APBB2: variants seen among roughly 807,000 people sequenced by gnomAD.
APBB2 encodes the protein Fe65-like 1.
In APBB2, 38 loss-of-function variants were observed where a neutral mutation model predicts 82.5. The ratio of observed to expected loss-of-function variants is 0.46; its 90% CI spans 0.36 to 0.60. The LOEUF (loss-of-function observed/expected upper bound fraction) is 0.60. Ranked by LOEUF, APBB2 falls within the 20% of genes least tolerant of loss-of-function variation. APBB2 has a pLI of 0.00. For synonymous variants in APBB2, 341 were observed against 368.2 expected, an observed-to-expected ratio of 0.93 and a Z score of 0.85; for missense variants, 772 against 972.3, an observed-to-expected ratio of 0.79 and a Z score of 2.74.
intron 2 of APBB2, among the ~76,000 whole-genome samples, chr4:41,109,404 C>G (rs2153979159): frequency 6.6e-6 from 1 of 152,226 alleles, no homozygotes; most frequent in Non-Finnish European, 1.5e-5. Context: ...AATTCTCCTG[C>G]CTCAGCCTCC....
chr4:41,130,831 T>C (rs185207750), intron 2 of APBB2, among the ~76,000 whole-genome samples: 100 of 152,114 alleles, frequency 6.6e-4, no homozygotes, highest in African/African-American at 2.0e-3. Context: ...GTAGGACAGA[T>C]CCCCTTCCTC....
intron 17 of APBB2, among the ~76,000 whole-genome samples, chr4:40,821,630 T>C (rs1286464351): frequency 6.6e-6 from 1 of 152,218 alleles, no homozygotes; most frequent in Non-Finnish European, 1.5e-5. Context: ...GTCAAGGTGG[T>C]GGTTATGAAA....
chr4:41,025,413 G>C (rs1441756485), intron 5 of APBB2, among the ~76,000 whole-genome samples: 1 of 152,044 alleles, frequency 6.6e-6, no homozygotes, highest in Non-Finnish European at 1.5e-5. Context: ...CGGTGGGAGT[G>C]TGAATTAGTT....
chr4:41,152,078 T>A (rs376400615), intron 1 of APBB2, among the ~76,000 whole-genome samples: 1 of 152,246 alleles, frequency 6.6e-6, no homozygotes, highest in South Asian at 2.1e-4. Flanking sequence ...AAACTTTTTT[T>A]CTAGTTCATT....
intron 6 of APBB2, among the ~76,000 whole-genome samples, chr4:40,957,280 A>T (rs375256476): frequency 7.4e-4 from 113 of 152,322 alleles, no homozygotes; most frequent in African/African-American, 2.6e-3. Context: ...TTTCTTCATT[A>T]AAAAAATATG....
At chr4:41,140,706 C>T (rs551225404) in intron 2 of APBB2, among the ~76,000 whole-genome samples, 20 of 152,348 alleles carry the variant, frequency 1.3e-4, no homozygotes, top group East Asian at 9.6e-4. Context: ...CCATCGCTCA[C>T]GTTACCTCCT....
intron 4 of APBB2, among the ~76,000 whole-genome samples, chr4:41,058,423 A>G (rs1156884935): frequency 6.6e-6 from 1 of 152,254 alleles, no homozygotes; most frequent in Non-Finnish European, 1.5e-5. Context: ...TCAAGATGTA[A>G]GATTATGTAC....
intron 6 of APBB2, among the ~76,000 whole-genome samples, chr4:41,006,409 T>C (rs1806750375): frequency 6.6e-6 from 1 of 152,206 alleles, no homozygotes; most frequent in South Asian, 2.1e-4. Context: ...TTAAAATTAA[T>C]GCAGCAGGGC....
rs993823956 is a variant in APBB2 at position 40,870,675 on chromosome 4, T to C, written c.1529+19689A>G. On this transcript the variant is annotated intron_variant, in intron 12 of 17. Transcript: ENST00000508593. ...AAATCAGGTCCTAATCCCTGGAACC[T>C]GCAAATGTTACCTTATAGGTATTAT... Among the ~76,000 whole-genome samples the C allele has an allele frequency of 1.2e-4, 18 of 151,872 alleles. 1 individual carries two copies. The highest frequency in any genetic ancestry group is 8.5e-4 in the Admixed American group (13 of 15,254).
rs942308464 is a variant in APBB2 at position 41,066,065 on chromosome 4, T to C, written c.-148-392A>G. ...CTCTGACATCTGAACTAATATCCTA[T>C]AAAACTTTAAAAGCTTGAAATGAGG... On this transcript the variant is annotated intron_variant, in intron 3 of 17. Transcript: ENST00000508593. 3.4e-5 allele frequency among the ~76,000 whole-genome samples: 5 copies of C among 147,418 alleles called. No individual in the cohort carries two copies. In the East Asian group the frequency reaches 7.9e-4, roughly 23 times the overall value.
intron 6 of APBB2, among the ~76,000 whole-genome samples, chr4:41,009,477 G>A (rs1384840652): frequency 6.6e-6 from 1 of 152,128 alleles, no homozygotes; most frequent in Non-Finnish European, 1.5e-5. Flanking sequence ...ACAGCTGGAG[G>A]GGGCGATTCA....
chr4:40,991,849 A>G (rs942144533), intron 6 of APBB2, among the ~76,000 whole-genome samples: 94 of 152,112 alleles, frequency 6.2e-4, no homozygotes, highest in African/African-American at 2.2e-3. Context: ...TCATCCCTTC[A>G]GAAGGTGGGC....
chr4:41,131,415 T>G (rs1755931136), intron 2 of APBB2, among the ~76,000 whole-genome samples: 1 of 152,226 alleles, frequency 6.6e-6, no homozygotes, highest in African/African-American at 2.4e-5. Flanking sequence ...ACAATGGTGG[T>G]GTTTTAGACT....
intron 3 of APBB2, among the ~76,000 whole-genome samples, chr4:41,087,149 A>G (rs1740059326): frequency 6.6e-6 from 1 of 152,164 alleles, no homozygotes; most frequent in South Asian, 2.1e-4. Context: ...CTAAAAAATA[A>G]ATAAATAAAT....
At chr4:41,122,738 T>C (rs1753227959) in intron 2 of APBB2, among the ~76,000 whole-genome samples, 1 of 152,214 alleles carries the variant, frequency 6.6e-6, no homozygotes, top group Non-Finnish European at 1.5e-5. Context: ...ATCTTGTAAT[T>C]TCAGTGATTT....
At chr4:41,049,673 C>T (rs1389881442) in intron 4 of APBB2, among the ~76,000 whole-genome samples, 3 of 152,114 alleles carry the variant, frequency 2.0e-5, no homozygotes, top group Non-Finnish European at 2.9e-5. Flanking sequence ...ATGACGATGG[C>T]GGTTTTGTCT....
At chr4:41,110,300 A>G (rs1748731324) in intron 2 of APBB2, among the ~76,000 whole-genome samples, 1 of 152,146 alleles carries the variant, frequency 6.6e-6, no homozygotes, top group Non-Finnish European at 1.5e-5. Flanking sequence ...AGGTTGTCGT[A>G]CCCTGTTAAA....
At chr4:40,908,329 C>G (rs73810674) in intron 10 of APBB2, among the ~76,000 whole-genome samples, 6,306 of 152,162 alleles carry the variant, frequency 0.041, 245 homozygotes, top group African/African-American at 0.1. Flanking sequence ...TATGGCAGCC[C>G]CAGCCAACAA....
rs79730448 is a variant in APBB2, at chr4:41,145,872, A to T, written c.-416-2730T>A. Among the ~76,000 whole-genome samples, 546 of 152,326 alleles carry T rather than the reference A, an allele frequency of 3.6e-3. 2 individuals carry two copies. Among genetic ancestry groups the T allele is most frequent in the Middle Eastern group, 6.8e-3 (2 of 294 alleles). ...TTACTTCCAAAATGACCCAAGTCTT[A>T]AGGGAAAGACATTAGTGGTTTCAAA... On this transcript the variant is annotated intron_variant, in intron 1 of 17. Coordinates refer to ENST00000508593, the MANE Select transcript of APBB2 (RefSeq NM_004307.2).
Sources: gnomAD v4.1 joint callset for allele counts (sites outside exome capture counted in the v4.1 genomes callset) on GRCh38, gnomAD v4.1.1 for gene constraint, MANE v1.5 for transcripts, NCBI Gene and HGNC (gene_info 2026-07-23, HGNC 2026-07-21) for gene names.